TBC1D2B: variants seen among roughly 807,000 people sequenced by gnomAD.
TBC1D2B encodes TBC1 domain family member 2B, also known as TBC1 domain family, member 2B.
A neutral mutation model predicts 100.8 loss-of-function variants in TBC1D2B; 64 were observed. That is an observed-to-expected ratio of 0.64 (90% confidence interval 0.52 to 0.78). The LOEUF (loss-of-function observed/expected upper bound fraction) is 0.78. Among genes scored for constraint, TBC1D2B ranks in the 30% least tolerant of loss-of-function variants. The pLI is 0.00. For missense variants in TBC1D2B, 1,052 were observed against 1,218.4 expected (o/e 0.86, Z 2.03); for synonymous variants, 480 against 479.7 (o/e 1.00, Z -0.01).
chr15:78,072,791 C>T (rs2073761074), intron 1 of TBC1D2B, among the ~76,000 whole-genome samples: 2 of 152,182 alleles, frequency 1.3e-5, no homozygotes, highest in Admixed American at 6.5e-5. Flanking sequence ...CCCTAAGTGC[C>T]TCAGATTCCA....
At position 78,040,851 on chromosome 15, in the gene TBC1D2B, AAAGG is replaced by A. The variant is rs1188570411; in HGVS notation, c.683+4045_683+4048del. The stretch of plus-strand genomic sequence containing the variant: ...GGAAAGAAAGAAAAAAGAAAGAAAG[AAAGG>A]AAGAAAGAAAGAAAGAAAGAAAGAA... On this transcript the variant is annotated intron_variant, in intron 3 of 12. Transcript: ENST00000300584. Among the ~76,000 whole-genome samples the A allele has an allele frequency of 5.2e-5, 7 of 134,338 alleles. No homozygotes were observed. The South Asian group carries it at 8.2e-4, about 16-fold the overall frequency. The allele number at this position is 134,338 out of a possible 152,430, so 88.1% of individuals were successfully genotyped here.
In TBC1D2B at chr15:78,024,238, T is replaced by A. The variant is rs2072594676; in HGVS notation, c.1388A>T (p.Asn463Ile). 1 of 1,613,962 alleles carries A rather than the reference T, an allele frequency of 6.2e-7. No individual in the cohort carries two copies. Among genetic ancestry groups the A allele is most frequent in the Non-Finnish European group, 8.5e-7 (1 of 1,179,900 alleles). ...GGGCGCCACGGTGGGAGGAGGCCCGTTGCCCTCGCCCTCGCTGAGCTTGAT... is the reference window on the plus strand; with the variant it reads ...GGGCGCCACGGTGGGAGGAGGCCCGATGCCCTCGCCCTCGCTGAGCTTGAT... ...VIIKLSEGEG[N>I]GPPPTVAPSS... The change falls in exon 6 of 13, where the codon AAC (asparagine) becomes ATC (isoleucine). Residue 463 changes from asparagine (N) to isoleucine (I), a missense_variant. Transcript: ENST00000300584.
chr15:78,001,833 CAG>C (rs777596866), intron 11 of TBC1D2B, 93 bp from the exon 12 acceptor site: 13 of 1,429,842 alleles, frequency 9.1e-6, no homozygotes, highest in Non-Finnish European at 1.0e-5. Context: ...CTACTGGGGA[CAG>C]GGGGACATGG....
At chr15:78,009,706 G>T (rs558157342) in intron 9 of TBC1D2B, among the ~76,000 whole-genome samples, 1 of 152,348 alleles carries the variant, frequency 6.6e-6, no homozygotes, top group East Asian at 1.9e-4. Flanking sequence ...TGGGCGCAAT[G>T]GCTCACGCCT....
chr15:78,067,194 C>T lies in TBC1D2B; in HGVS notation c.360+10099G>A, dbSNP rs187049631. Among the ~76,000 whole-genome samples, 6 of 152,314 alleles carry T rather than the reference C, an allele frequency of 3.9e-5. No individual in the cohort carries two copies. In the East Asian group the frequency reaches 9.6e-4, roughly 24 times the overall value. ...GTAGCTAGCTGTGGGACTCAGTTTC[C>T]TCTCTGTATCACACATGGGAAGGGG... On this transcript the variant is annotated intron_variant, in intron 1 of 12. Transcript: ENST00000300584.
chr15:78,045,199 TA>T (rs2141772765), intron 2 of TBC1D2B, 131 bp from the exon 3 acceptor site: 1 of 770,430 alleles, frequency 1.3e-6, no homozygotes, highest in South Asian at 2.4e-5. Context: ...TAATGTATAC[TA>T]CATAAAAACA....
intron 1 of TBC1D2B, among the ~76,000 whole-genome samples, chr15:78,062,512 A>C (rs2073568578): frequency 6.6e-6 from 1 of 152,210 alleles, no homozygotes; most frequent in South Asian, 2.1e-4. Context: ...AACAATCTAC[A>C]TCTGCTGAGG....
intron 12 of TBC1D2B, among the ~76,000 whole-genome samples, 155 bp downstream of exon 12, chr15:78,001,464 C>A (rs1407603317): frequency 2.6e-5 from 4 of 152,170 alleles, no homozygotes; most frequent in Admixed American, 1.3e-4. Context: ...GGGCTCACAC[C>A]CCTTGCTCTC....
chr15:78,062,812 C>T (rs1019689157), intron 1 of TBC1D2B, among the ~76,000 whole-genome samples: 2 of 152,268 alleles, frequency 1.3e-5, no homozygotes, highest in African/African-American at 2.4e-5. Flanking sequence ...ACTATGCTTT[C>T]GCTTTATACA....
chr15:78,045,463 A>G (rs527969370), intron 2 of TBC1D2B, among the ~76,000 whole-genome samples: 1 of 152,366 alleles, frequency 6.6e-6, no homozygotes, highest in South Asian at 2.1e-4. Context: ...AGCAAGGTGC[A>G]GATCAGATTA....
At chr15:78,019,413 C>T (rs1215151688) in intron 6 of TBC1D2B, among the ~76,000 whole-genome samples, 1 of 152,148 alleles carries the variant, frequency 6.6e-6, no homozygotes, top group African/African-American at 2.4e-5. Flanking sequence ...GACCAGTGGG[C>T]TCTTAGCTCC....
chr15:78,039,930 G>C (rs1399938377), intron 3 of TBC1D2B, among the ~76,000 whole-genome samples: 1 of 152,162 alleles, frequency 6.6e-6, no homozygotes, highest in Non-Finnish European at 1.5e-5. Context: ...AACAGAACTA[G>C]AGCTGGACCC....
chr15:78,059,680 T>G (rs2073502952), intron 1 of TBC1D2B, among the ~76,000 whole-genome samples: 1 of 151,932 alleles, frequency 6.6e-6, no homozygotes, highest in Admixed American at 6.6e-5. Context: ...TGTCCCCAGG[T>G]CTCCAGTAGC....
At chr15:78,065,887 C>T in intron 1 of TBC1D2B, 1 of 380,026 alleles carries the variant, frequency 2.6e-6, no homozygotes, top group South Asian at 1.9e-5. Flanking sequence ...AGTGAATTTA[C>T]AGGAATGTTT....
At chr15:78,003,204 C>A (rs2071962931) in intron 11 of TBC1D2B, 101 bp downstream of exon 11, 1 of 1,041,396 alleles carries the variant, frequency 9.6e-7, no homozygotes, top group Non-Finnish European at 1.5e-6. Context: ...ACCATGGTAA[C>A]CCTCATAAGT....
At chr15:78,003,643 G>A in intron 10 of TBC1D2B, 153 bp from the exon 11 acceptor site, 3 of 600,012 alleles carry the variant, frequency 5.0e-6, no homozygotes. Context: ...CACGGAGCCA[G>A]ACTACTATGT....
chr15:78,000,910 C>T (rs1208252001), intron 12 of TBC1D2B, among the ~76,000 whole-genome samples: 3 of 152,244 alleles, frequency 2.0e-5, no homozygotes, highest in African/African-American at 4.8e-5. Context: ...CCACCTCTCC[C>T]CCTAGAGCCC....
chr15:78,050,646 A>G (rs2073294971), intron 2 of TBC1D2B, among the ~76,000 whole-genome samples: 1 of 152,228 alleles, frequency 6.6e-6, no homozygotes, highest in African/African-American at 2.4e-5. Context: ...GTCTTTATCT[A>G]TCCAGACACA....
At chr15:78,013,526 A>G (rs146467379) in intron 8 of TBC1D2B, among the ~76,000 whole-genome samples, 6 of 152,198 alleles carry the variant, frequency 3.9e-5, no homozygotes, top group African/African-American at 1.4e-4. Flanking sequence ...TAAATTAGAT[A>G]TCTACTTGAC....
Sources: allele counts gnomAD v4.1 joint callset (sites outside exome capture counted in the v4.1 genomes callset), GRCh38; gene constraint gnomAD v4.1.1; transcripts MANE v1.5; gene names NCBI Gene and HGNC (gene_info 2026-07-23, HGNC 2026-07-21).